CNST: variants seen among roughly 807,000 people sequenced by gnomAD.
CNST encodes the protein consortin, connexin sorting protein.
CNST carries 39 observed loss-of-function variants against 72.4 expected under a neutral mutation model. The observed-to-expected ratio is 0.54, with a 90% CI of 0.42 to 0.70. CNST has a LOEUF of 0.70. CNST is among the 30% of genes least tolerant of loss of function. CNST has a pLI of 0.00. For missense variants in CNST, 871 were observed against 868.5 expected, an observed-to-expected ratio of 1.00 and a Z score of -0.04; for synonymous variants, 332 against 320.1, an observed-to-expected ratio of 1.04 and a Z score of -0.40.
rs1485833096 is a variant in CNST at position 246,634,586 on chromosome 1, G to A, written c.817G>A (p.Asp273Asn). The stretch of plus-strand genomic sequence containing the variant: ...TACGAAAATTTGTGCAACACATCAA[G>A]AGTAAGTATATCAGAATTTCGTTAG... ...RLTKICATHQDPLLSKHKIAA... is the reference protein window; with the variant it reads ...RLTKICATHQNPLLSKHKIAA... The change falls in exon 6 of 11, where the codon GAT (aspartate) becomes AAT (asparagine). Residue 273 changes from aspartate to asparagine, a missense_variant and splice_region_variant. Asp to Asn is a conservative substitution (Grantham distance 23). Coordinates refer to ENST00000366513, the MANE Select transcript of CNST (RefSeq NM_152609.3). 2 of 1,533,754 alleles carry A rather than the reference G, an allele frequency of 1.3e-6. No homozygotes were observed. Among genetic ancestry groups the A allele is most frequent in the East Asian group, 4.5e-5 (2 of 44,366 alleles).
intron 9 of CNST, among the ~76,000 whole-genome samples, chr1:246,658,137 C>G (rs1395490666): frequency 6.6e-6 from 1 of 152,134 alleles, no homozygotes; most frequent in East Asian, 1.9e-4. Context: ...CAGCCAGATT[C>G]AAGATCCTCT....
chr1:246,640,359 T>G (rs1163281547), intron 6 of CNST, among the ~76,000 whole-genome samples: 3 of 152,176 alleles, frequency 2.0e-5, no homozygotes, highest in Non-Finnish European at 4.4e-5. Context: ...AGAAAGCAAA[T>G]AGAATACAGT....
intron 8 of CNST, among the ~76,000 whole-genome samples, chr1:246,646,624 G>A (rs1012380479): frequency 2.0e-5 from 3 of 152,072 alleles, no homozygotes; most frequent in Admixed American, 1.3e-4. Flanking sequence ...GGGATTACAG[G>A]CATGTGCCAC....
chr1:246,610,523 G>A (rs1663244908), intron 2 of CNST, among the ~76,000 whole-genome samples: 1 of 152,028 alleles, frequency 6.6e-6, no homozygotes, highest in African/African-American at 2.4e-5. Flanking sequence ...CTGTTTTTTT[G>A]ATATGCTTGG....
At chr1:246,659,316 C>T (rs889524764) in intron 9 of CNST, among the ~76,000 whole-genome samples, 17 of 152,168 alleles carry the variant, frequency 1.1e-4, no homozygotes, top group Non-Finnish European at 2.1e-4. Flanking sequence ...TGTCCCAGGC[C>T]GGGTGCGGTG....
At chr1:246,657,681 A>G (rs111717374) in intron 9 of CNST, among the ~76,000 whole-genome samples, 1 of 152,146 alleles carries the variant, frequency 6.6e-6, no homozygotes, top group African/African-American at 2.4e-5. Context: ...GTTGACTTCC[A>G]CAGCCAAACA....
chr1:246,612,597 T>G (rs1663397456), intron 2 of CNST, among the ~76,000 whole-genome samples: 1 of 151,940 alleles, frequency 6.6e-6, no homozygotes, highest in Non-Finnish European at 1.5e-5. Flanking sequence ...CCCCCCAAAA[T>G]CATAACAGGT....
chr1:246,584,649 C>T (rs748521821), intron 1 of CNST, among the ~76,000 whole-genome samples: 14 of 152,154 alleles, frequency 9.2e-5, no homozygotes, highest in African/African-American at 2.2e-4. Flanking sequence ...CGAATGGAGA[C>T]GGAGTGTGTA....
intron 3 of CNST, among the ~76,000 whole-genome samples, chr1:246,625,249 T>C (rs566052682): frequency 2.6e-5 from 4 of 152,218 alleles, no homozygotes; most frequent in African/African-American, 9.6e-5. Flanking sequence ...CATATTGCAT[T>C]CAACTGTCAG....
intron 3 of CNST, among the ~76,000 whole-genome samples, chr1:246,627,363 G>A (rs1329784228): frequency 2.6e-5 from 4 of 152,188 alleles, no homozygotes; most frequent in African/African-American, 9.6e-5. Context: ...CAGGTTCACT[G>A]GCCTTCTGAC....
At chr1:246,580,060 A>G (rs1462312403) in intron 1 of CNST, among the ~76,000 whole-genome samples, 1 of 152,212 alleles carries the variant, frequency 6.6e-6, no homozygotes, top group Non-Finnish European at 1.5e-5. Context: ...CTCTAGTCTT[A>G]GTTCTTGTTT....
At chr1:246,580,148 A>G (rs1660692245) in intron 1 of CNST, among the ~76,000 whole-genome samples, 1 of 152,182 alleles carries the variant, frequency 6.6e-6, no homozygotes, top group Non-Finnish European at 1.5e-5. Context: ...TAAATTTCTA[A>G]GGTTAAAAAA....
At chr1:246,593,304 C>T (rs1246760102) in intron 2 of CNST, among the ~76,000 whole-genome samples, 1 of 151,176 alleles carries the variant, frequency 6.6e-6, no homozygotes, top group Non-Finnish European at 1.5e-5. Context: ...TAATTTTTAA[C>T]CAGGGATATG....
intron 6 of CNST, among the ~76,000 whole-genome samples, chr1:246,638,059 G>A (rs931262124): frequency 1.1e-4 from 17 of 152,156 alleles, no homozygotes; most frequent in East Asian, 9.6e-4. Context: ...TCTGGAACGC[G>A]GCTGGAAAGG....
chr1:246,589,551 T>C (rs555258148), intron 1 of CNST, among the ~76,000 whole-genome samples: 49 of 152,228 alleles, frequency 3.2e-4, no homozygotes, highest in African/African-American at 1.2e-3. Flanking sequence ...TCTTTGCTAT[T>C]GTGAATAGTG....
intron 1 of CNST, among the ~76,000 whole-genome samples, chr1:246,584,532 T>C (rs898160885): frequency 2.6e-5 from 4 of 152,152 alleles, no homozygotes; most frequent in African/African-American, 7.2e-5. Context: ...ATCAGTCTTA[T>C]TGATACTTTG....
At chr1:246,609,344 G>T (rs1304778301) in intron 2 of CNST, among the ~76,000 whole-genome samples, 1 of 152,212 alleles carries the variant, frequency 6.6e-6, no homozygotes, top group Admixed American at 6.5e-5. Flanking sequence ...GAGAGGCTGA[G>T]GCAGGCGGAT....
chr1:246,639,598 C>G (rs912310465), intron 6 of CNST, among the ~76,000 whole-genome samples: 1 of 152,100 alleles, frequency 6.6e-6, no homozygotes, highest in African/African-American at 2.4e-5. Context: ...ATGGGCATGG[C>G]AGTCTTTTTG....
At chr1:246,585,919 A>G (rs1661150308) in intron 1 of CNST, among the ~76,000 whole-genome samples, 1 of 151,852 alleles carries the variant, frequency 6.6e-6, no homozygotes, top group South Asian at 2.1e-4. Flanking sequence ...GTTTCTACAA[A>G]AAATTTAAAA....
Sources: allele counts gnomAD v4.1 joint callset (sites outside exome capture counted in the v4.1 genomes callset), GRCh38; gene constraint gnomAD v4.1.1; transcripts MANE v1.5; gene names NCBI Gene and HGNC (gene_info 2026-07-23, HGNC 2026-07-21).